ST3GAL3: variants seen among roughly 807,000 people sequenced by gnomAD.
The protein encoded by ST3GAL3 is CMP-N-acetylneuraminate-beta-1,4-galactoside alpha-2,3-sialyltransferase.
A neutral mutation model predicts 50.1 loss-of-function variants in ST3GAL3; 21 were observed. The ratio of observed to expected loss-of-function variants is 0.42; its 90% confidence interval spans 0.30 to 0.60. ST3GAL3 has a LOEUF of 0.60. Among genes scored for constraint, ST3GAL3 ranks in the 20% least tolerant of loss-of-function variants. The pLI is 0.19. For missense variants in ST3GAL3, 353 were observed against 489.4 expected (o/e 0.72, Z 2.63); for synonymous variants, 183 against 190.0 (o/e 0.96, Z 0.30).
chr1:43,835,175 G>C (rs2064129097), intron 4 of ST3GAL3, among the ~76,000 whole-genome samples: 2 of 152,192 alleles, frequency 1.3e-5, no homozygotes, highest in African/African-American at 4.8e-5. Context: ...AACAAGGGCT[G>C]AGTGATTTGA....
intron 9 of ST3GAL3, among the ~76,000 whole-genome samples, chr1:43,908,510 C>A (rs761026844): frequency 7.9e-5 from 12 of 152,200 alleles, no homozygotes; most frequent in Non-Finnish European, 1.3e-4. Context: ...AATAAGCCCT[C>A]TGGATGATTT....
chr1:43,917,781 C>G (rs1235964116), intron 9 of ST3GAL3, among the ~76,000 whole-genome samples: 1 of 144,844 alleles, frequency 6.9e-6, no homozygotes, highest in Non-Finnish European at 1.5e-5. Context: ...GATCCTCCCA[C>G]CTCAGCCTCC....
At chr1:43,765,050 T>G (rs1016677614) in intron 2 of ST3GAL3, among the ~76,000 whole-genome samples, 3 of 152,248 alleles carry the variant, frequency 2.0e-5, no homozygotes, top group Non-Finnish European at 4.4e-5. Context: ...CATTTATCAT[T>G]TTAGTGTCAG....
intron 4 of ST3GAL3, among the ~76,000 whole-genome samples, chr1:43,830,601 A>G (rs1326713292): frequency 1.3e-5 from 2 of 152,218 alleles, no homozygotes; most frequent in South Asian, 2.1e-4. Flanking sequence ...AGTGACCTCT[A>G]TCTTATACTG....
intron 5 of ST3GAL3, among the ~76,000 whole-genome samples, chr1:43,861,779 G>A (rs759548560): frequency 5.3e-5 from 8 of 152,062 alleles, no homozygotes; most frequent in Non-Finnish European, 1.0e-4. Context: ...CTGTAATCCC[G>A]GCACTTTGGG....
At chr1:43,719,459 C>T (rs1342834781) in intron 1 of ST3GAL3, among the ~76,000 whole-genome samples, 5 of 151,612 alleles carry the variant, frequency 3.3e-5, no homozygotes, top group African/African-American at 4.9e-5. Flanking sequence ...CTCAGGAGTT[C>T]GAGACCAGCC....
chr1:43,822,187 C>T (rs193293958), intron 4 of ST3GAL3, among the ~76,000 whole-genome samples: 1 of 152,294 alleles, frequency 6.6e-6, no homozygotes, highest in East Asian at 1.9e-4. Flanking sequence ...AGGAATATGA[C>T]ACAACGAGCC....
chr1:43,770,241 A>G (rs1168353446), intron 2 of ST3GAL3, among the ~76,000 whole-genome samples: 6 of 92,502 alleles, frequency 6.5e-5, no homozygotes, highest in Non-Finnish European at 1.0e-4. Flanking sequence ...GGAGGAGAGG[A>G]GAGGGGAGGG....
intron 4 of ST3GAL3, among the ~76,000 whole-genome samples, chr1:43,828,126 A>T (rs1292128863): frequency 6.6e-6 from 1 of 152,236 alleles, no homozygotes; most frequent in Non-Finnish European, 1.5e-5. Flanking sequence ...TTGATCTCTG[A>T]CAAAGGAACA....
intron 2 of ST3GAL3, among the ~76,000 whole-genome samples, chr1:43,758,162 A>ACCCC (rs747611095): frequency 1.0e-4 from 9 of 87,410 alleles, no homozygotes; most frequent in African/African-American, 2.8e-4. Context: ...GCTGCATACC[A>ACCCC]CCCCCCCCCC....
intron 4 of ST3GAL3, among the ~76,000 whole-genome samples, chr1:43,821,167 AGTGAAT>A (rs891491986): frequency 6.6e-6 from 1 of 152,202 alleles, no homozygotes; most frequent in Non-Finnish European, 1.5e-5. Context: ...CTGAAGTCTT[AGTGAAT>A]GGGGAGGAAG....
chr1:43,878,410 A>G (rs2074490155), intron 5 of ST3GAL3, among the ~76,000 whole-genome samples: 1 of 152,278 alleles, frequency 6.6e-6, no homozygotes, highest in South Asian at 2.1e-4. Flanking sequence ...AAATATGGCA[A>G]GGTGACAGGA....
chr1:43,805,072 A>T (rs1475758504), intron 3 of ST3GAL3, among the ~76,000 whole-genome samples: 1 of 152,200 alleles, frequency 6.6e-6, no homozygotes, highest in African/African-American at 2.4e-5. Context: ...GTAAGCTAGG[A>T]TAGTTTAATT....
At chr1:43,929,504 A>C (rs1041627669) in intron 11 of ST3GAL3, among the ~76,000 whole-genome samples, 1 of 152,140 alleles carries the variant, frequency 6.6e-6, no homozygotes, top group Non-Finnish European at 1.5e-5. Flanking sequence ...GGGTTTCACC[A>C]TGTTGGTCAG....
chr1:43,912,098 G>C (rs1227557485), intron 9 of ST3GAL3: 1 of 152,186 alleles, frequency 6.6e-6, no homozygotes, highest in South Asian at 2.1e-4. Context: ...AACCTACATG[G>C]ATATGGTGGC....
At chr1:43,769,985 G>C (rs1489326665) in intron 2 of ST3GAL3, among the ~76,000 whole-genome samples, 1 of 151,986 alleles carries the variant, frequency 6.6e-6, no homozygotes, top group Admixed American at 6.6e-5. Flanking sequence ...TTGTCAATAT[G>C]GGACTGAAAC....
chr1:43,857,572 TTTCCTTCCTCCCTCCCTTCCTTCC>T (rs2068764554), intron 5 of ST3GAL3, among the ~76,000 whole-genome samples: 1 of 80,878 alleles, frequency 1.2e-5, no homozygotes, highest in Non-Finnish European at 2.3e-5. Flanking sequence ...TCCTTCTTTC[TTTCCTTCCTCCCTCCCTTCCTTCC>T]TTCCTTCCTT....
At chr1:43,889,940 G>C (rs901179362) in intron 5 of ST3GAL3, among the ~76,000 whole-genome samples, 2 of 152,128 alleles carry the variant, frequency 1.3e-5, no homozygotes, top group African/African-American at 4.8e-5. Context: ...AATATAGTGA[G>C]ACTCCATCTC....
chr1:43,715,060 C>G (rs1044413076), intron 1 of ST3GAL3, among the ~76,000 whole-genome samples: 1 of 152,088 alleles, frequency 6.6e-6, no homozygotes, highest in Non-Finnish European at 1.5e-5. Flanking sequence ...GTATTTTTAA[C>G]ACAGCTTAAA....
Sources: allele counts gnomAD v4.1 joint callset (sites outside exome capture counted in the v4.1 genomes callset), GRCh38; gene constraint gnomAD v4.1.1; transcripts MANE v1.5; gene names NCBI Gene and HGNC (gene_info 2026-07-23, HGNC 2026-07-21).